GRHL2: variants seen among roughly 807,000 people sequenced by gnomAD.
GRHL2 encodes the protein grainyhead like transcription factor 2.
In GRHL2, 21 loss-of-function variants were observed where a neutral mutation model predicts 83.8. That is an observed-to-expected ratio of 0.25 (90% CI 0.18 to 0.36). The LOEUF (loss-of-function observed/expected upper bound fraction) is 0.36, where lower values mean the gene tolerates loss of function less well. Ranked by LOEUF, GRHL2 falls within the 10% of genes least tolerant of loss-of-function variation. The probability of loss-of-function intolerance (pLI) is 1.00; values close to 1 mark genes in which losing one functional copy is unlikely to be tolerated. For synonymous variants in GRHL2, 280 were observed against 278.9 expected (o/e 1.00, Z -0.04); for missense variants, 623 against 781.8 (o/e 0.80, Z 2.42).
At chr8:101,658,000 T>C (rs1041849494) in intron 14 of GRHL2, among the ~76,000 whole-genome samples, 62 of 152,206 alleles carry the variant, frequency 4.1e-4, no homozygotes, top group African/African-American at 1.5e-3. Flanking sequence ...AGAAGGAATT[T>C]TCTGCCACCC....
rs542880593 is a variant in GRHL2 at position 101,523,537 on chromosome 8, C to T, written c.21-19704C>T. ...TGTCACCCAGGCTGGAGTGTGGTGG[C>T]ACATCACGGCTCACTGCAACCTCAA... is the stretch of plus-strand genomic sequence containing the variant. On this transcript the variant is annotated intron_variant, in intron 1 of 15. Transcript: ENST00000646743. 8.6e-5 allele frequency among the ~76,000 whole-genome samples: 13 copies of T among 151,602 alleles called. No individual in the cohort carries two copies. The East Asian group carries it at 2.2e-3, about 25-fold the overall frequency.
chr8:101,562,100 T>C, intron 4 of GRHL2: 2 of 674,076 alleles, frequency 3.0e-6, no homozygotes, highest in Non-Finnish European at 2.8e-6. Context: ...ATAAGATGGA[T>C]GTTTTGCTTT....
At chr8:101,663,035 T>C (rs1286338913) in intron 14 of GRHL2, among the ~76,000 whole-genome samples, 4 of 152,214 alleles carry the variant, frequency 2.6e-5, no homozygotes, top group African/African-American at 9.7e-5. Flanking sequence ...ATTATCAAAA[T>C]GTGTTTAACG....
In GRHL2 at chr8:101,558,649, T is replaced by G; in HGVS notation, c.515T>G (p.Val172Gly). 6.2e-7 allele frequency: 1 copy of G among 1,614,184 alleles called. No individual in the cohort carries two copies. The highest frequency in any genetic ancestry group is 8.5e-7 in the Non-Finnish European group (1 of 1,180,026). The change falls in exon 4 of 16, where the codon GTG becomes GGG. Residue 172 changes from valine (V) to glycine (G), a missense_variant. Physicochemically the swap from Val to Gly is moderately radical, Grantham distance 109. Coordinates refer to ENST00000646743, the MANE Select transcript of GRHL2 (RefSeq NM_024915.4). ...ACACCAGTTTTCATGGCCCCACCTG[T>G]GCACTATCCCCGGGGAGATGGGGAA... ...DFTPVFMAPP[V>G]HYPRGDGEEQ...
chr8:101,673,359 C>A (rs1814239484), downstream of GRHL2, among the ~76,000 whole-genome samples: 1 of 152,006 alleles, frequency 6.6e-6, no homozygotes, highest in South Asian at 2.1e-4. Flanking sequence ...GGAGGAAGAT[C>A]TACCAAGCAA....
intron 2 of GRHL2, among the ~76,000 whole-genome samples, chr8:101,546,158 G>A (rs1811261549): frequency 2.0e-5 from 3 of 152,086 alleles, no homozygotes; most frequent in Middle Eastern, 6.8e-3. Context: ...GGGATTATAG[G>A]CGTAAGCCAC....
chr8:101,641,101 T>C (rs1563621010), intron 12 of GRHL2, among the ~76,000 whole-genome samples: 1 of 152,182 alleles, frequency 6.6e-6, no homozygotes, highest in African/African-American at 2.4e-5. Flanking sequence ...TAACAGTTAC[T>C]AAATCTATGT....
At chr8:101,539,112 C>T (rs1287519807) in intron 1 of GRHL2, among the ~76,000 whole-genome samples, 1 of 152,182 alleles carries the variant, frequency 6.6e-6, no homozygotes, top group Non-Finnish European at 1.5e-5. Context: ...AAAATCCCTC[C>T]AGTGAATCAG....
chr8:101,558,328 A>G (rs925004003), intron 3 of GRHL2, 91 bp from the exon 4 acceptor site: 28 of 1,457,368 alleles, frequency 1.9e-5, no homozygotes, highest in Middle Eastern at 4.7e-4. Context: ...TTAACATCCA[A>G]TGATTATTGC....
intron 4 of GRHL2, among the ~76,000 whole-genome samples, chr8:101,567,409 A>G (rs2130207546): frequency 6.6e-6 from 1 of 152,296 alleles, no homozygotes; most frequent in African/African-American, 2.4e-5. Flanking sequence ...AGCCAGAATG[A>G]CCTGAGCATT....
chr8:101,524,180 G>A (rs889973771), intron 1 of GRHL2, among the ~76,000 whole-genome samples: 3 of 152,118 alleles, frequency 2.0e-5, no homozygotes, highest in Non-Finnish European at 4.4e-5. Flanking sequence ...TTAGCATAAA[G>A]TGATTCACAA....
rs73279169 is a variant in GRHL2 at position 101,557,622 on chromosome 8, T to C, written c.285-797T>C. Among the ~76,000 whole-genome samples, 614 of 152,328 alleles carry C rather than the reference T, an allele frequency of 4.0e-3. 6 individuals carry two copies. Among genetic ancestry groups the C allele is most frequent in the African/African-American group, 0.014 (578 of 41,576 alleles). On this transcript the variant is annotated intron_variant, in intron 3 of 15. Coordinates refer to ENST00000646743, the MANE Select transcript of GRHL2 (RefSeq NM_024915.4). ...CCTTTTTGGTTTGTTCAGGTCAAGA[T>C]CCAAACAAGAGCTGCTTCTCATACT...
intron 1 of GRHL2, among the ~76,000 whole-genome samples, chr8:101,511,835 A>T (rs10096411): frequency 0.052 from 7,920 of 152,110 alleles, 272 homozygotes; most frequent in African/African-American, 0.09. Flanking sequence ...AAAAGCTTTG[A>T]TCCACCTGAA....
intron 1 of GRHL2, among the ~76,000 whole-genome samples, chr8:101,536,791 A>T (rs549167444): frequency 6.6e-6 from 1 of 152,268 alleles, no homozygotes; most frequent in East Asian, 1.9e-4. Context: ...TTCATTTTAC[A>T]TTCAGGGGTA....
At chr8:101,636,304 C>A (rs2129639725) in intron 11 of GRHL2, among the ~76,000 whole-genome samples, 1 of 152,302 alleles carries the variant, frequency 6.6e-6, no homozygotes, top group Non-Finnish European at 1.5e-5. Context: ...CCTTCCAGAG[C>A]TAAATGACCT....
intron 14 of GRHL2, among the ~76,000 whole-genome samples, chr8:101,655,335 AT>A (rs769681665): frequency 9.2e-5 from 14 of 152,168 alleles, no homozygotes; most frequent in Non-Finnish European, 1.5e-4. Flanking sequence ...GAGTACGTCC[AT>A]TTTTGAATGT....
chr8:101,507,219 A>G (rs1023115877), intron 1 of GRHL2, among the ~76,000 whole-genome samples: 1 of 144,686 alleles, frequency 6.9e-6, no homozygotes, highest in Admixed American at 7.2e-5. Context: ...CTATCATTTC[A>G]ACTTGTTACT....
chr8:101,664,447 A>G lies in GRHL2; in HGVS notation c.1699-7A>G. 1.2e-6 allele frequency: 2 copies of G among 1,604,862 alleles called. No individual in the cohort carries two copies. Among genetic ancestry groups the G allele is most frequent in the Non-Finnish European group, 1.7e-6 (2 of 1,171,780 alleles). ...GCTCATCTGCCTTCTTGTTATTGGTATTACAGATATCTGAGAAATATGGGC... is the reference window on the plus strand; with the variant it reads ...GCTCATCTGCCTTCTTGTTATTGGTGTTACAGATATCTGAGAAATATGGGC... On this transcript the variant is annotated splice_polypyrimidine_tract_variant and splice_region_variant and intron_variant, in intron 14 of 15. Transcript: ENST00000646743.
intron 3 of GRHL2, 85 bp from the exon 4 acceptor site, chr8:101,558,334 A>G: frequency 1.4e-6 from 2 of 1,476,132 alleles, no homozygotes; most frequent in Non-Finnish European, 9.5e-7. Context: ...TCCAATGATT[A>G]TTGCCTGCAT....
Sources: allele counts gnomAD v4.1 joint callset (sites outside exome capture counted in the v4.1 genomes callset), GRCh38; gene constraint gnomAD v4.1.1; transcripts MANE v1.5; gene names NCBI Gene and HGNC (gene_info 2026-07-23, HGNC 2026-07-21).